CSMD1: variants seen among roughly 807,000 people sequenced by gnomAD.
The protein encoded by CSMD1 is CUB and sushi domain-containing protein 1.
CSMD1 carries 213 observed loss-of-function variants against 417.5 expected under a neutral mutation model. That is an observed-to-expected ratio of 0.51 (90% CI 0.46 to 0.57). CSMD1 has a LOEUF of 0.57. CSMD1 is among the 20% of genes least tolerant of loss of function. The pLI, the probability that CSMD1 is intolerant of heterozygous loss-of-function variation, is 0.00. For missense variants in CSMD1, 6,923 were observed against 4,529.7 expected (o/e 1.53, Z -15.17); for synonymous variants, 2,862 against 1,736.8 (o/e 1.65, Z -16.11).
chr8:4,213,716 G>C (rs1193448296), intron 3 of CSMD1, among the ~76,000 whole-genome samples: 1 of 152,204 alleles, frequency 6.6e-6, no homozygotes, highest in Non-Finnish European at 1.5e-5. Flanking sequence ...GCTCCTGTGT[G>C]ATTTCCTGAA....
At chr8:3,794,441 G>T (rs998218493) in intron 5 of CSMD1, among the ~76,000 whole-genome samples, 42 of 151,998 alleles carry the variant, frequency 2.8e-4, no homozygotes, top group African/African-American at 1.0e-3. Context: ...AGTGATCATA[G>T]AATCAGTACT....
chr8:3,127,340 G>C (rs1011333211), intron 41 of CSMD1: 2 of 152,156 alleles, frequency 1.3e-5, no homozygotes, highest in Non-Finnish European at 2.9e-5. Context: ...ATTACTCAAA[G>C]TCGCTCAGAA....
At chr8:3,026,390 C>G (rs1416090375) in intron 51 of CSMD1, among the ~76,000 whole-genome samples, 1 of 152,144 alleles carries the variant, frequency 6.6e-6, no homozygotes, top group East Asian at 1.9e-4. Context: ...CTGGACCTCA[C>G]TCGGCCTCAC....
intron 50 of CSMD1, among the ~76,000 whole-genome samples, chr8:3,046,641 G>T (rs1447841442): frequency 1.3e-5 from 2 of 152,118 alleles, no homozygotes; most frequent in Non-Finnish European, 2.9e-5. Flanking sequence ...GGCCTTGGCA[G>T]CGTTACACAA....
At position 3,824,899 on chromosome 8, in the gene CSMD1, G is replaced by T. The variant is rs548112338; in HGVS notation, c.819-70857C>A. Reference sequence around the variant, plus strand: ...GCTTTAATAAAATGAGAATTGTAAAGATTTCAGCCCTGTTAATTAGCACCA... The same window carrying T: ...GCTTTAATAAAATGAGAATTGTAAATATTTCAGCCCTGTTAATTAGCACCA... On this transcript the variant is annotated intron_variant, in intron 5 of 69. Coordinates refer to ENST00000635120, the MANE Select transcript of CSMD1 (RefSeq NM_033225.6). 9.9e-5 allele frequency among the ~76,000 whole-genome samples: 15 copies of T among 152,274 alleles called. No individual in the cohort carries two copies. In the South Asian group the frequency reaches 3.1e-3, roughly 32 times the overall value.
intron 2 of CSMD1, among the ~76,000 whole-genome samples, chr8:4,442,150 A>T (rs1337538037): frequency 1.3e-5 from 2 of 152,216 alleles, no homozygotes; most frequent in East Asian, 3.9e-4. Context: ...CAGCAAAAAC[A>T]TCTGAAACAC....
intron 12 of CSMD1, among the ~76,000 whole-genome samples, chr8:3,463,361 C>A (rs552540146): frequency 6.6e-6 from 1 of 152,168 alleles, no homozygotes; most frequent in Non-Finnish European, 1.5e-5. Context: ...AATGTTAAAT[C>A]CACCTTAGAT....
chr8:3,726,070 C>A (rs190836370), intron 6 of CSMD1, among the ~76,000 whole-genome samples: 1 of 152,246 alleles, frequency 6.6e-6, no homozygotes, highest in East Asian at 1.9e-4. Flanking sequence ...AACAGCCATG[C>A]CATGAGGGTA....
intron 5 of CSMD1, among the ~76,000 whole-genome samples, chr8:3,974,094 A>G (rs977422360): frequency 6.6e-6 from 1 of 152,004 alleles, no homozygotes; most frequent in African/African-American, 2.4e-5. Flanking sequence ...CTTATTTATT[A>G]TTTCTAATTA....
At chr8:4,935,451 C>G (rs557419234) in intron 1 of CSMD1, among the ~76,000 whole-genome samples, 2 of 152,346 alleles carry the variant, frequency 1.3e-5, no homozygotes, top group Non-Finnish European at 2.9e-5. Flanking sequence ...AGAAGACTAA[C>G]AGTTACCAGA....
At chr8:4,110,108 C>G (rs945046529) in intron 3 of CSMD1, among the ~76,000 whole-genome samples, 2 of 152,164 alleles carry the variant, frequency 1.3e-5, no homozygotes, top group South Asian at 4.1e-4. Flanking sequence ...ATGGAAATAA[C>G]GGTGGAGTTG....
intron 3 of CSMD1, among the ~76,000 whole-genome samples, chr8:4,129,730 G>C (rs1585379424): frequency 6.6e-6 from 1 of 151,628 alleles, no homozygotes; most frequent in South Asian, 2.1e-4. Flanking sequence ...AGTTTTCTTG[G>C]GCCCTTTCAA....
At chr8:4,971,357 A>G (rs1165253896) in intron 1 of CSMD1, among the ~76,000 whole-genome samples, 1 of 152,104 alleles carries the variant, frequency 6.6e-6, no homozygotes, top group Non-Finnish European at 1.5e-5. Context: ...CAACAACTCT[A>G]TGGTAAAATA....
intron 1 of CSMD1, among the ~76,000 whole-genome samples, chr8:4,747,648 A>C (rs114964937): frequency 0.028 from 4,196 of 152,202 alleles, 62 homozygotes; most frequent in South Asian, 0.031. Flanking sequence ...CTTCTGCTTT[A>C]TACTCAGTTG....
intron 1 of CSMD1, among the ~76,000 whole-genome samples, chr8:4,647,835 G>C (rs924369143): frequency 1.3e-5 from 2 of 152,172 alleles, no homozygotes; most frequent in East Asian, 3.9e-4. Flanking sequence ...GTTTGGGTTG[G>C]TTCCAAGTCT....
intron 1 of CSMD1, among the ~76,000 whole-genome samples, chr8:4,726,052 G>A (rs569221042): frequency 6.6e-6 from 1 of 152,136 alleles, no homozygotes; most frequent in Non-Finnish European, 1.5e-5. Context: ...AGTTCACATC[G>A]TGGACAGTTC....
At chr8:4,483,957 G>C (rs1269352226) in intron 2 of CSMD1, among the ~76,000 whole-genome samples, 1 of 152,096 alleles carries the variant, frequency 6.6e-6, no homozygotes, top group Non-Finnish European at 1.5e-5. Flanking sequence ...GTCTCTCATT[G>C]ACAGTCCTGC....
At position 4,161,489 on chromosome 8, in the gene CSMD1, G is replaced by T. The variant is rs1047924915; in HGVS notation, c.416-129390C>A. Among the ~76,000 whole-genome samples, 4 of 152,130 alleles carry T rather than the reference G, an allele frequency of 2.6e-5. No individual in the cohort carries two copies. In the East Asian group the frequency reaches 7.7e-4, roughly 29 times the overall value. On this transcript the variant is annotated intron_variant, in intron 3 of 69. Coordinates refer to ENST00000635120, the MANE Select transcript of CSMD1 (RefSeq NM_033225.6). ...TTACTCAAGGTCATGCTGCTGTTGA[G>T]ATAAAAGAAAAAGGACTGAACCCAA... is the stretch of plus-strand genomic sequence containing the variant.
At chr8:4,053,489 T>G (rs1176678761) in intron 3 of CSMD1, among the ~76,000 whole-genome samples, 2 of 152,072 alleles carry the variant, frequency 1.3e-5, no homozygotes, top group African/African-American at 4.8e-5. Flanking sequence ...ACGCAATATA[T>G]TCTTAAAACA....
Sources: allele counts gnomAD v4.1 joint callset (sites outside exome capture counted in the v4.1 genomes callset), GRCh38; gene constraint gnomAD v4.1.1; transcripts MANE v1.5; gene names NCBI Gene and HGNC (gene_info 2026-07-23, HGNC 2026-07-21).